Variants in SYNPR observed in about 807,000 individuals in gnomAD.
SYNPR encodes synaptoporin.
A neutral mutation model predicts 32.9 loss-of-function variants in SYNPR; 23 were observed. That is an observed-to-expected ratio of 0.70 (90% confidence interval 0.50 to 0.99). SYNPR has a LOEUF of 0.99. Ranked by LOEUF, SYNPR falls within the 50% of genes least tolerant of loss-of-function variation. SYNPR has a pLI of 0.00. For missense variants in SYNPR, 318 were observed against 349.3 expected (o/e 0.91, Z 0.71); for synonymous variants, 146 against 135.9 (o/e 1.07, Z -0.52).
chr3:63,360,289 C>G (rs1305734912), intron 2 of SYNPR, among the ~76,000 whole-genome samples: 1 of 152,104 alleles, frequency 6.6e-6, no homozygotes, highest in Non-Finnish European at 1.5e-5. Flanking sequence ...TCCCTTCAAA[C>G]TTATACCCTG....
At chr3:63,327,466 A>C (rs1008553264) in intron 2 of SYNPR, among the ~76,000 whole-genome samples, 1 of 152,158 alleles carries the variant, frequency 6.6e-6, no homozygotes, top group Non-Finnish European at 1.5e-5. Context: ...TATTATGTCC[A>C]AACAATTCCA....
chr3:63,235,091 G>A (rs1475216785), intron 1 of SYNPR, among the ~76,000 whole-genome samples: 4 of 152,170 alleles, frequency 2.6e-5, no homozygotes, highest in Non-Finnish European at 5.9e-5. Context: ...ATCTGTGTGT[G>A]TATGTGTGTG....
At chr3:63,354,614 G>A (rs750271143) in intron 2 of SYNPR, among the ~76,000 whole-genome samples, 9 of 152,172 alleles carry the variant, frequency 5.9e-5, no homozygotes, top group Non-Finnish European at 1.3e-4. Flanking sequence ...GTAGATAAAG[G>A]GAGAAGTGAA....
chr3:63,333,336 TA>T lies in SYNPR; in HGVS notation c.84+54607del, dbSNP rs545756228. Among the ~76,000 whole-genome samples, 730 of 136,452 alleles carry T rather than the reference TA, an allele frequency of 5.3e-3. 3 individuals carry two copies. The highest frequency in any genetic ancestry group is 9.3e-3 in the African/African-American group (346 of 37,286). 89.5% of individuals were successfully genotyped at this position (136,452 alleles called of 152,430 possible). A position where few individuals can be genotyped will look rare whatever the true frequency, so the allele number is the denominator to read the frequency against. ...CCCAGTGATCCTGTAACTTTGAATC[TA>T]AAAAAAAAAAAAGCAAAGAGAAGAG... On this transcript the variant is annotated intron_variant, in intron 2 of 5. Transcript: ENST00000478300.
At chr3:63,230,202 GAAATTTAATATATATCTGAAATA>G (rs1280041778) in intron 1 of SYNPR, among the ~76,000 whole-genome samples, 1 of 152,132 alleles carries the variant, frequency 6.6e-6, no homozygotes, top group Non-Finnish European at 1.5e-5. Context: ...TCCCAGAAAT[GAAATTTAATATATATCTGAAATA>G]ACACTTTTGT....
intron 3 of SYNPR, among the ~76,000 whole-genome samples, chr3:63,543,626 A>T (rs1315505450): frequency 6.6e-6 from 1 of 152,076 alleles, no homozygotes; most frequent in African/African-American, 2.4e-5. Context: ...GATCAGTGTC[A>T]TTGACCTCAT....
intron 3 of SYNPR, among the ~76,000 whole-genome samples, chr3:63,487,749 TC>T (rs1418410288): frequency 1.3e-5 from 2 of 152,116 alleles, no homozygotes; most frequent in Non-Finnish European, 2.9e-5. Context: ...GAATGAAAGC[TC>T]CCCCTCAAAG....
chr3:63,507,573 A>G (rs971743946), intron 3 of SYNPR, among the ~76,000 whole-genome samples: 8 of 152,182 alleles, frequency 5.3e-5, no homozygotes, highest in African/African-American at 1.4e-4. Flanking sequence ...CACAACAACT[A>G]TGCAACTACA....
At chr3:63,596,087 T>C (rs1699955338) in intron 4 of SYNPR, among the ~76,000 whole-genome samples, 1 of 149,938 alleles carries the variant, frequency 6.7e-6, no homozygotes, top group African/African-American at 2.5e-5. Flanking sequence ...GCTGGTGTGT[T>C]GCACCCATTA....
At position 63,494,421 on chromosome 3, in the gene SYNPR, A is replaced by ATACG. The variant is rs1553641154; in HGVS notation, c.209+13467_209+13468insCGTA. On this transcript the variant is annotated intron_variant, in intron 3 of 5. Transcript: ENST00000478300. Reference sequence around the variant, plus strand: ...TATATATATATATATATATATACGTATATATATATATACGTATATATATAT... The same window carrying ATACG: ...TATATATATATATATATATATACGTATACGTATATATATATACGTATATATATAT... Among the ~76,000 whole-genome samples the ATACG allele has an allele frequency of 3.0e-3, 62 of 20,860 alleles. 2 individuals carry two copies. The highest frequency in any genetic ancestry group is 0.016 in the African/African-American group (53 of 3,352). 13.7% of individuals were successfully genotyped at this position (20,860 alleles called of 152,430 possible).
chr3:63,509,214 T>C (rs1409056120), intron 3 of SYNPR, among the ~76,000 whole-genome samples: 2 of 150,994 alleles, frequency 1.3e-5, no homozygotes, highest in African/African-American at 4.9e-5. Flanking sequence ...TATGTGTATA[T>C]ACATATGTAT....
At chr3:63,494,644 T>A (rs1315778028) in intron 3 of SYNPR, among the ~76,000 whole-genome samples, 1 of 151,614 alleles carries the variant, frequency 6.6e-6, no homozygotes, top group African/African-American at 2.4e-5. Flanking sequence ...ACATAACACA[T>A]ATTATACCCA....
the SYNPR span, among the ~76,000 whole-genome samples, chr3:63,207,118 G>A: frequency 6.6e-6 from 1 of 152,182 alleles, no homozygotes; most frequent in Non-Finnish European, 1.5e-5. Context: ...CTTAGTTCTT[G>A]TATTCTTGTC....
intron 3 of SYNPR, among the ~76,000 whole-genome samples, chr3:63,490,573 G>T (rs565222393): frequency 1.3e-5 from 2 of 152,028 alleles, no homozygotes; most frequent in Admixed American, 1.3e-4. Context: ...CATGCCATGC[G>T]TGGTCTTCCA....
chr3:63,361,309 C>G (rs2107034763), intron 2 of SYNPR, among the ~76,000 whole-genome samples: 1 of 152,104 alleles, frequency 6.6e-6, no homozygotes, highest in Non-Finnish European at 1.5e-5. Flanking sequence ...GGATATAGGC[C>G]AGGCTCGGTG....
intron 2 of SYNPR, chr3:63,443,413 G>T: frequency 6.2e-7 from 1 of 1,601,142 alleles, no homozygotes; most frequent in Non-Finnish European, 8.5e-7. Context: ...TTTCTTTCAG[G>T]AGAGGGAAGT....
Position 63,576,803 on chromosome 3 carries a change from A to AAG in SYNPR, c.408+20064_408+20065dup, listed in dbSNP as rs796143229. ...AAGAATACGTCTCAAAAAAAAAAAA[A>AAG]AGAAAGAAAGAAAAAGAAAAAGAAA... is the stretch of plus-strand genomic sequence containing the variant. On this transcript the variant is annotated intron_variant, in intron 4 of 5. Transcript: ENST00000478300. 2.3e-3 allele frequency among the ~76,000 whole-genome samples: 343 copies of AAG among 151,848 alleles called. 4 individuals carry two copies. The highest frequency in any genetic ancestry group is 7.9e-3 in the African/African-American group (326 of 41,390).
upstream of SYNPR, among the ~76,000 whole-genome samples, chr3:63,224,330 G>A (rs1264331513): frequency 6.6e-6 from 1 of 152,120 alleles, no homozygotes; most frequent in African/African-American, 2.4e-5. Flanking sequence ...ATCTGAGGTG[G>A]AACAGTTTTA....
chr3:63,608,135 T>C (rs1228735859), intron 4 of SYNPR, among the ~76,000 whole-genome samples: 3 of 152,114 alleles, frequency 2.0e-5, no homozygotes, highest in African/African-American at 7.2e-5. Flanking sequence ...GTTCTAATAG[T>C]CTAAATCTTA....
Sources: allele counts gnomAD v4.1 joint callset (sites outside exome capture counted in the v4.1 genomes callset), GRCh38; gene constraint gnomAD v4.1.1; transcripts MANE v1.5; gene names NCBI Gene and HGNC (gene_info 2026-07-23, HGNC 2026-07-21).